GPC6: variants seen among roughly 807,000 people sequenced by gnomAD.
The protein encoded by GPC6 is glypican-6.
GPC6 carries 14 observed loss-of-function variants against 55.2 expected under a neutral mutation model. The observed-to-expected ratio is 0.25, with a 90% CI of 0.17 to 0.40. GPC6 has a LOEUF of 0.40. Among genes scored for constraint, GPC6 ranks in the 10% least tolerant of loss-of-function variants. GPC6 has a pLI of 1.00. For synonymous variants in GPC6, 278 were observed against 259.6 expected (o/e 1.07, Z -0.68); for missense variants, 641 against 708.5 (o/e 0.90, Z 1.08).
rs558649170 is a variant in GPC6, at chr13:93,333,730, G to A, written c.160+106114G>A. On this transcript the variant is annotated intron_variant, in intron 1 of 8. Transcript: ENST00000377047. The stretch of plus-strand genomic sequence containing the variant: ...TTTCTCTATTTTTTGTAGAGACAGG[G>A]TTTCACCATGTTGCCCAGGCTGGCC... Among the ~76,000 whole-genome samples the A allele has an allele frequency of 3.3e-5, 5 of 151,824 alleles. No homozygotes were observed. The South Asian group carries it at 1.0e-3, about 32-fold the overall frequency.
chr13:93,426,073 T>A (rs963080133), intron 1 of GPC6, among the ~76,000 whole-genome samples: 1 of 152,180 alleles, frequency 6.6e-6, no homozygotes, highest in Non-Finnish European at 1.5e-5. Context: ...TGTACTGATA[T>A]ATAATTACAT....
At chr13:93,934,875 C>T (rs1411377184) in intron 3 of GPC6, among the ~76,000 whole-genome samples, 1 of 151,050 alleles carries the variant, frequency 6.6e-6, no homozygotes, top group African/African-American at 2.4e-5. Flanking sequence ...TGTGAATTTC[C>T]ATCATCTGAA....
At chr13:93,314,772 G>A (rs1879192025) in intron 1 of GPC6, among the ~76,000 whole-genome samples, 1 of 148,666 alleles carries the variant, frequency 6.7e-6, no homozygotes, top group African/African-American at 2.6e-5. Flanking sequence ...CATGTGCTGA[G>A]AAATGAGGAG....
At chr13:93,833,199 C>A (rs1887596897) in intron 3 of GPC6, among the ~76,000 whole-genome samples, 1 of 147,426 alleles carries the variant, frequency 6.8e-6, no homozygotes, top group Non-Finnish European at 1.5e-5. Context: ...AGAAGCTGAG[C>A]AATGCTTTTG....
intron 4 of GPC6, among the ~76,000 whole-genome samples, chr13:94,043,079 TC>T (rs1440796669): frequency 6.6e-6 from 1 of 151,782 alleles, no homozygotes; most frequent in Non-Finnish European, 1.5e-5. Context: ...TCTGACATGG[TC>T]CCCATCATTT....
intron 2 of GPC6, among the ~76,000 whole-genome samples, chr13:93,728,063 A>G (rs1015958253): frequency 1.3e-5 from 2 of 152,110 alleles, no homozygotes; most frequent in South Asian, 2.1e-4. Context: ...CTTGGGTTTT[A>G]GCTTCAATCT....
chr13:94,156,466 G>A (rs1202730492), intron 4 of GPC6, among the ~76,000 whole-genome samples: 1 of 152,094 alleles, frequency 6.6e-6, no homozygotes, highest in Non-Finnish European at 1.5e-5. Flanking sequence ...CCAAACATGT[G>A]ATCCAACAGG....
intron 2 of GPC6, among the ~76,000 whole-genome samples, chr13:93,714,789 G>T (rs1883193302): frequency 6.6e-6 from 1 of 151,578 alleles, no homozygotes; most frequent in Non-Finnish European, 1.5e-5. Context: ...AGGGTCTTAG[G>T]TCGGCAGTGT....
rs192066964 is a variant in GPC6 at position 93,791,546 on chromosome 13, A to T, written c.320-38608A>T. The stretch of plus-strand genomic sequence containing the variant: ...TCTAAAAATATGACTAGATAGTATT[A>T]TATGTGAGCTTCACAAAGAGTAGTC... On this transcript the variant is annotated intron_variant, in intron 2 of 8. Transcript: ENST00000377047. Among the ~76,000 whole-genome samples, 339 of 152,352 alleles carry T rather than the reference A, an allele frequency of 2.2e-3. 2 individuals carry two copies. Among genetic ancestry groups the T allele is most frequent in the African/African-American group, 7.9e-3 (329 of 41,592 alleles).
At chr13:94,014,681 C>T (rs1215713126) in intron 3 of GPC6, among the ~76,000 whole-genome samples, 1 of 152,168 alleles carries the variant, frequency 6.6e-6, no homozygotes, top group Non-Finnish European at 1.5e-5. Flanking sequence ...CCAGCCCCCA[C>T]ACCTGCTTCC....
At chr13:93,979,469 C>A (rs7982617) in intron 3 of GPC6, among the ~76,000 whole-genome samples, 5 of 150,980 alleles carry the variant, frequency 3.3e-5, no homozygotes, top group Non-Finnish European at 5.9e-5. Flanking sequence ...TAATTCCTGG[C>A]GCACTGTATT....
chr13:94,151,705 G>A (rs944707888), intron 4 of GPC6, among the ~76,000 whole-genome samples: 7 of 152,088 alleles, frequency 4.6e-5, no homozygotes, highest in African/African-American at 2.4e-5. Context: ...AGGTAGACAA[G>A]CACACTACAG....
At chr13:93,475,176 A>G (rs1417679300) in intron 1 of GPC6, among the ~76,000 whole-genome samples, 1 of 152,076 alleles carries the variant, frequency 6.6e-6, no homozygotes, top group African/African-American at 2.4e-5. Flanking sequence ...ACACACACAC[A>G]CACAAACACA....
intron 1 of GPC6, among the ~76,000 whole-genome samples, chr13:93,514,354 C>G (rs1361284530): frequency 6.6e-6 from 1 of 152,034 alleles, no homozygotes; most frequent in Non-Finnish European, 1.5e-5. Flanking sequence ...TCTATTTTAC[C>G]TTTTCTCATA....
intron 2 of GPC6, among the ~76,000 whole-genome samples, chr13:93,666,470 A>T: frequency 6.6e-6 from 1 of 152,156 alleles, no homozygotes; most frequent in East Asian, 1.9e-4. Flanking sequence ...GCAGACAAAA[A>T]TGCCTACTTC....
intron 1 of GPC6, among the ~76,000 whole-genome samples, chr13:93,347,171 T>A (rs986664912): frequency 2.6e-5 from 4 of 152,144 alleles, no homozygotes; most frequent in Admixed American, 6.5e-5. Flanking sequence ...TATAGAAGTA[T>A]GTATGAACAA....
rs1352429231 is a variant in GPC6, at chr13:93,227,919, C to G, written c.160+303C>G. On this transcript the variant is annotated intron_variant, in intron 1 of 8. Coordinates refer to ENST00000377047, the MANE Select transcript of GPC6 (RefSeq NM_005708.5). This position sits in a 1 kb window ranked among gnomAD's most constrained non-coding sequence, Gnocchi z 4.3. ...GCTCAGGCCCGGCTGGCCAGGGAGC[C>G]CGGGTCACTCCGGGGCGGCTGCAAG... Among the ~76,000 whole-genome samples, 1 of 152,160 alleles carries G rather than the reference C, an allele frequency of 6.6e-6. No individual in the cohort carries two copies. Among genetic ancestry groups the G allele is most frequent in the African/African-American group, 2.4e-5 (1 of 41,456 alleles).
Position 93,395,278 on chromosome 13 carries a change from T to A in GPC6, c.161-149985T>A, listed in dbSNP as rs113153155. ...CACCACTAAAGTTTCCAGAACCACT[T>A]TGACCTCTTTGGCTGGATGAAGCAC... On this transcript the variant is annotated intron_variant, in intron 1 of 8. Coordinates refer to ENST00000377047, the MANE Select transcript of GPC6 (RefSeq NM_005708.5). The A allele has an allele frequency of 4.1e-3, 1,993 of 490,036 alleles. 35 individuals are homozygous for A. The highest frequency in any genetic ancestry group is 0.035 in the African/African-American group (1,781 of 50,850). 30.4% of individuals were successfully genotyped at this position (490,036 alleles called of 1,614,324 possible).
rs1185514051 is a variant in GPC6, at chr13:93,846,267, G to A, written c.711+15722G>A. Among the ~76,000 whole-genome samples the A allele has an allele frequency of 2.6e-5, 4 of 152,062 alleles. No individual in the cohort carries two copies. The East Asian group carries it at 7.7e-4, about 29-fold the overall frequency. On this transcript the variant is annotated intron_variant, in intron 3 of 8. Transcript: ENST00000377047. ...CAAGCTAACAAATGATTACTTGCCAGCCACTATGCTAAGTACTTTTTACAC... is the reference window on the plus strand; with the variant it reads ...CAAGCTAACAAATGATTACTTGCCAACCACTATGCTAAGTACTTTTTACAC...
Sources: gnomAD v4.1 joint callset for allele counts (sites outside exome capture counted in the v4.1 genomes callset) on GRCh38, gnomAD v4.1.1 for gene constraint, Gnocchi (gnomAD v3.1) non-coding constraint, MANE v1.5 for transcripts, NCBI Gene and HGNC (gene_info 2026-07-23, HGNC 2026-07-21) for gene names.